SAMHD1: variants seen among roughly 807,000 people sequenced by gnomAD.
SAMHD1 encodes SAM and HD domain containing deoxynucleoside triphosphate triphosphohydrolase 1.
In SAMHD1, 54 loss-of-function variants were observed where a neutral mutation model predicts 79.6. The ratio of observed to expected loss-of-function variants is 0.68; its 90% CI spans 0.55 to 0.85. The LOEUF (loss-of-function observed/expected upper bound fraction) is 0.85. Among genes scored for constraint, SAMHD1 ranks in the 40% least tolerant of loss-of-function variants. The pLI is 0.00. For missense variants in SAMHD1, 663 were observed against 782.7 expected, an observed-to-expected ratio of 0.85 and a Z score of 1.82; for synonymous variants, 260 against 264.1, an observed-to-expected ratio of 0.98 and a Z score of 0.15.
intron 6 of SAMHD1, among the ~76,000 whole-genome samples, chr20:36,922,248 T>C (rs2063510627): frequency 6.6e-6 from 1 of 152,236 alleles, no homozygotes. Flanking sequence ...GGACAATTGG[T>C]AAAATTTGAA....
At chr20:36,904,888 AGTAGGAGGT>A in intron 12 of SAMHD1, 1 of 185,608 alleles carries the variant, frequency 5.4e-6, no homozygotes, top group South Asian at 1.1e-4. Flanking sequence ...CTCTTCAACA[AGTAGGAGGT>A]GAAAATAGAT....
intron 7 of SAMHD1, among the ~76,000 whole-genome samples, chr20:36,918,468 T>G (rs2063487653): frequency 6.6e-6 from 1 of 151,650 alleles, no homozygotes. Flanking sequence ...AAAAAAATTT[T>G]TTTTAATGAA....
At chr20:36,897,102 TGGCACTTGA>T (rs1239066649) in intron 15 of SAMHD1, among the ~76,000 whole-genome samples, 1 of 152,228 alleles carries the variant, frequency 6.6e-6, no homozygotes, top group Non-Finnish European at 1.5e-5. Context: ...TCATGCCTTG[TGGCACTTGA>T]TAAAGCACCG....
chr20:36,925,163 A>G (rs974855619), intron 6 of SAMHD1, among the ~76,000 whole-genome samples: 11 of 152,108 alleles, frequency 7.2e-5, no homozygotes, highest in African/African-American at 1.9e-4. Flanking sequence ...CTCAAAAAAA[A>G]AAAAAAAGAA....
Position 36,926,797 on chromosome 20 carries a change from T to C in SAMHD1, c.696+385A>G, listed in dbSNP as rs371540462. On this transcript the variant is annotated intron_variant, in intron 6 of 15. Transcript: ENST00000646673. ...ATATATGACTTGGCTGGTAAGTTAG[T>C]TCGTGGTCATACCAAATGTGTCAAA... 1.4e-4 allele frequency among the ~76,000 whole-genome samples: 21 copies of C among 152,326 alleles called. No individual in the cohort carries two copies. The East Asian group carries it at 3.9e-3, about 28-fold the overall frequency.
chr20:36,895,851 G>A (rs575773135), intron 15 of SAMHD1, among the ~76,000 whole-genome samples: 8 of 152,066 alleles, frequency 5.3e-5, no homozygotes, highest in Non-Finnish European at 1.2e-4. Flanking sequence ...TATGAAGGGG[G>A]AAAAATGGAT....
intron 9 of SAMHD1, among the ~76,000 whole-genome samples, chr20:36,913,979 C>T (rs1042312978): frequency 1.3e-5 from 2 of 151,962 alleles, no homozygotes; most frequent in Non-Finnish European, 2.9e-5. Context: ...GTCTCAAACT[C>T]GGTAGCCCAA....
At chr20:36,893,588 A>C in intron 15 of SAMHD1, 1 of 311,948 alleles carries the variant, frequency 3.2e-6, no homozygotes, top group Non-Finnish European at 5.8e-6. Context: ...ACCCAAAATA[A>C]GGGAGAGATC....
chr20:36,894,190 C>T, intron 15 of SAMHD1: 1 of 379,594 alleles, frequency 2.6e-6, no homozygotes, highest in Admixed American at 4.5e-5. Context: ...TGTTGAACTA[C>T]ACTGGATCTG....
intron 11 of SAMHD1, among the ~76,000 whole-genome samples, chr20:36,909,240 G>A (rs1288486826): frequency 1.3e-5 from 2 of 152,146 alleles, no homozygotes; most frequent in African/African-American, 2.4e-5. Flanking sequence ...GGGATTACAG[G>A]CGTAAGCCAC....
chr20:36,946,452 T>A, intron 2 of SAMHD1: 1 of 320,336 alleles, frequency 3.1e-6, no homozygotes, highest in East Asian at 7.0e-5. Flanking sequence ...TGGGGCATGG[T>A]GGTGGGCACC....
At chr20:36,948,466 T>A (rs1231621571) in intron 1 of SAMHD1, among the ~76,000 whole-genome samples, 1 of 151,898 alleles carries the variant, frequency 6.6e-6, no homozygotes, top group Non-Finnish European at 1.5e-5. Flanking sequence ...TTGGCCAGGC[T>A]GGGCTTGAAT....
At position 36,935,273 on chromosome 20, in the gene SAMHD1, A is replaced by G. The variant is rs1441218507; in HGVS notation, c.349-84T>C. ...GTGCAGCCATTCCTAATTATAGTGC[A>G]AAGTCAAAGCTATTTGATTTTTCAA... On this transcript the variant is annotated intron_variant, in intron 3 of 15. Coordinates refer to ENST00000646673, the MANE Select transcript of SAMHD1 (RefSeq NM_015474.4). 4.6e-6 allele frequency: 5 copies of G among 1,088,980 alleles called. No homozygotes were observed. In the African/African-American group the frequency reaches 7.9e-5, roughly 17 times the overall value. The allele number at this position is 1,088,980 out of a possible 1,614,324, so 67.5% of individuals were successfully genotyped here.
At chr20:36,903,169 G>GT (rs2063384755) in intron 13 of SAMHD1, among the ~76,000 whole-genome samples, 1 of 152,202 alleles carries the variant, frequency 6.6e-6, no homozygotes, top group African/African-American at 2.4e-5. Context: ...ACAGAGAAAA[G>GT]TATGTTAAAC....
At chr20:36,948,506 G>T (rs2063710023) in intron 1 of SAMHD1, among the ~76,000 whole-genome samples, 1 of 152,036 alleles carries the variant, frequency 6.6e-6, no homozygotes, top group South Asian at 2.1e-4. Flanking sequence ...ACCTGCTTCG[G>T]CCTTCCAAAG....
At chr20:36,920,424 C>T (rs550750956) in intron 6 of SAMHD1, among the ~76,000 whole-genome samples, 1 of 152,054 alleles carries the variant, frequency 6.6e-6, no homozygotes, top group East Asian at 1.9e-4. Context: ...TCTTTCCCCG[C>T]CCCCGCAGAA....
intron 6 of SAMHD1, among the ~76,000 whole-genome samples, chr20:36,920,289 A>G (rs1601132945): frequency 6.6e-6 from 1 of 151,792 alleles, no homozygotes; most frequent in African/African-American, 2.4e-5. Flanking sequence ...TAATTTTTAG[A>G]TTTTTTTGTA....
intron 15 of SAMHD1, among the ~76,000 whole-genome samples, chr20:36,895,489 A>G: frequency 6.6e-6 from 1 of 152,154 alleles, no homozygotes; most frequent in South Asian, 2.1e-4. Context: ...ATGGAGAAAA[A>G]TTAATAATAA....
chr20:36,916,503 C>T, intron 9 of SAMHD1: 1 of 474,120 alleles, frequency 2.1e-6, no homozygotes, highest in Non-Finnish European at 3.7e-6. Context: ...AAAAAAACCC[C>T]AAAACCAGTG....
Sources: gnomAD v4.1 joint callset for allele counts (sites outside exome capture counted in the v4.1 genomes callset) on GRCh38, gnomAD v4.1.1 for gene constraint, MANE v1.5 for transcripts, NCBI Gene and HGNC (gene_info 2026-07-23, HGNC 2026-07-21) for gene names.